MAGI1: variants seen among roughly 807,000 people sequenced by gnomAD.
MAGI1 encodes membrane associated guanylate kinase, WW and PDZ domain containing 1.
MAGI1 carries 58 observed loss-of-function variants against 139.9 expected under a neutral mutation model. That is an observed-to-expected ratio of 0.41 (90% CI 0.34 to 0.52). The LOEUF (loss-of-function observed/expected upper bound fraction) is 0.52. MAGI1 is among the 20% of genes least tolerant of loss of function. The pLI is 0.12. For synonymous variants in MAGI1, 812 were observed against 737.9 expected (o/e 1.10, Z -1.63); for missense variants, 1,874 against 1,901.6 (o/e 0.99, Z 0.27).
chr3:65,739,203 T>C (rs1576955403), intron 1 of MAGI1, among the ~76,000 whole-genome samples: 2 of 152,250 alleles, frequency 1.3e-5, no homozygotes, highest in South Asian at 2.1e-4. Flanking sequence ...CTTGCACTTT[T>C]ATGTTATAAA....
intron 13 of MAGI1, among the ~76,000 whole-genome samples, chr3:65,396,639 T>C (rs1159528285): frequency 1.3e-5 from 2 of 152,242 alleles, no homozygotes; most frequent in African/African-American, 4.8e-5. Context: ...AGAATTCATG[T>C]GGCTTAAAAA....
intron 5 of MAGI1, among the ~76,000 whole-genome samples, chr3:65,456,551 TTTTC>T (rs1359421480): frequency 1.3e-5 from 2 of 152,326 alleles, no homozygotes; most frequent in Admixed American, 1.3e-4. Context: ...ATTTATCATT[TTTTC>T]TTTCTCAGGG....
intron 2 of MAGI1, among the ~76,000 whole-genome samples, chr3:65,596,246 C>G (rs947724120): frequency 6.6e-6 from 1 of 152,126 alleles, no homozygotes; most frequent in Non-Finnish European, 1.5e-5. Context: ...CCGTGGGTTA[C>G]CATGTGCATA....
chr3:65,439,978 C>T lies in MAGI1; in HGVS notation c.1171G>A (p.Val391Ile), dbSNP rs371020345. The T allele has an allele frequency of 1.9e-6, 3 of 1,613,968 alleles. No individual in the cohort carries two copies. The highest frequency in any genetic ancestry group is 2.7e-5 in the African/African-American group (2 of 75,032). ...TGCTTCTTCCGTTTGGCTTCTAGAACCGGGTTCTCATATTGTGTCTTCCTG... is the reference window on the plus strand; with the variant it reads ...TGCTTCTTCCGTTTGGCTTCTAGAATCGGGTTCTCATATTGTGTCTTCCTG... ...INRKTQYENP[V>I]LEAKRKKQLE... The change falls in exon 9 of 23, where the codon GTT (valine) becomes ATT (isoleucine). Residue 391 changes from valine (V) to isoleucine (I), a missense_variant. This residue lies in a region of MAGI1 where 648 missense variants were observed against 598.1 expected (regional missense o/e 1.08). Transcript: ENST00000402939.
intron 1 of MAGI1, among the ~76,000 whole-genome samples, chr3:66,017,483 C>A (rs1448388050): frequency 6.6e-6 from 1 of 152,234 alleles, no homozygotes; most frequent in Admixed American, 6.5e-5. Flanking sequence ...TGAAGGGGAT[C>A]CTGCCACCTG....
rs867434947 is a variant in MAGI1, at chr3:65,356,860, C to T, written c.3907G>A (p.Gly1303Arg). ...ACRPKDRAPE[G>R]RRDAQAERAA... ...CGCTCGGCCTGCGCGTCCCTCCGTC[C>T]CTCCGGCGCCCGGTCCTTGGGTCGG... is the stretch of plus-strand genomic sequence containing the variant. The change falls in exon 23 of 23, where the codon GGA becomes AGA. Residue 1303 changes from glycine (G) to arginine (R), a missense_variant. Coordinates refer to ENST00000402939, the MANE Select transcript of MAGI1 (RefSeq NM_001033057.2). 2 of 1,614,064 alleles carry T rather than the reference C, an allele frequency of 1.2e-6. No homozygotes were observed. Among genetic ancestry groups the T allele is most frequent in the South Asian group, 1.1e-5 (1 of 91,086 alleles).
chr3:65,388,993 G>A (rs1178441541), intron 14 of MAGI1, among the ~76,000 whole-genome samples: 10 of 151,686 alleles, frequency 6.6e-5, no homozygotes, highest in African/African-American at 9.7e-5. Context: ...ACAGGCGCAC[G>A]CCACCACACC....
chr3:65,751,725 G>A (rs1173953584), intron 1 of MAGI1, among the ~76,000 whole-genome samples: 1 of 152,138 alleles, frequency 6.6e-6, no homozygotes, highest in African/African-American at 2.4e-5. Flanking sequence ...ACATATGCAT[G>A]TGCATTCCAT....
intron 1 of MAGI1, among the ~76,000 whole-genome samples, chr3:65,882,165 T>G (rs1374702266): frequency 2.6e-5 from 4 of 152,356 alleles, no homozygotes; most frequent in Admixed American, 2.0e-4. Context: ...TGGGTTGATG[T>G]GAGTTTCTTG....
intron 1 of MAGI1, among the ~76,000 whole-genome samples, chr3:66,033,185 G>A (rs1329433351): frequency 6.6e-6 from 1 of 151,848 alleles, no homozygotes; most frequent in South Asian, 2.1e-4. Context: ...TCGCCACCAC[G>A]CCCAGCTAGT....
chr3:65,361,933 A>G (rs564245766), intron 21 of MAGI1, among the ~76,000 whole-genome samples: 141 of 152,348 alleles, frequency 9.3e-4, no homozygotes, highest in African/African-American at 3.2e-3. Flanking sequence ...GAGACTTCAG[A>G]TGAGACCATA....
At chr3:65,553,407 G>A (rs960261456) in intron 2 of MAGI1, among the ~76,000 whole-genome samples, 1 of 151,712 alleles carries the variant, frequency 6.6e-6, no homozygotes, top group African/African-American at 2.4e-5. Context: ...ATTCAGTTTG[G>A]CTTTGAAAAA....
chr3:65,582,470 T>C (rs1212697176), intron 2 of MAGI1, among the ~76,000 whole-genome samples: 1 of 152,154 alleles, frequency 6.6e-6, no homozygotes, highest in African/African-American at 2.4e-5. Context: ...GAGAGGATGA[T>C]TTTAAACATG....
chr3:65,517,144 T>C (rs925095856), intron 2 of MAGI1, among the ~76,000 whole-genome samples: 2 of 152,176 alleles, frequency 1.3e-5, no homozygotes, highest in African/African-American at 4.8e-5. Flanking sequence ...GCATCAAGCA[T>C]GTTGTCCTCT....
At chr3:65,869,824 A>G (rs1029909756) in intron 1 of MAGI1, among the ~76,000 whole-genome samples, 3 of 152,224 alleles carry the variant, frequency 2.0e-5, no homozygotes, top group African/African-American at 7.2e-5. Flanking sequence ...GGTGTCTCAC[A>G]TTCCTCACCT....
intron 1 of MAGI1, among the ~76,000 whole-genome samples, chr3:65,924,490 G>T (rs1021357827): frequency 2.6e-5 from 4 of 152,118 alleles, no homozygotes; most frequent in Admixed American, 1.3e-4. Context: ...TATAACACAA[G>T]GATTCTAGGA....
intron 1 of MAGI1, among the ~76,000 whole-genome samples, chr3:65,957,416 G>A (rs149404008): frequency 9.3e-5 from 14 of 150,876 alleles, no homozygotes; most frequent in South Asian, 2.1e-4. Context: ...AGCTACCCGC[G>A]GCGCTGAGGT....
chr3:65,979,088 T>TTCCCCCCCCCC (rs377493475), intron 1 of MAGI1, among the ~76,000 whole-genome samples: 1 of 52,970 alleles, frequency 1.9e-5, no homozygotes, highest in African/African-American at 7.0e-5. Context: ...TTTCTTTTCT[T>TTCCCCCCCCCC]CCCCCCCCCC....
At chr3:66,021,512 T>C (rs1283745371) in intron 1 of MAGI1, among the ~76,000 whole-genome samples, 2 of 152,206 alleles carry the variant, frequency 1.3e-5, no homozygotes, top group African/African-American at 2.4e-5. Flanking sequence ...TCAGTGTTCA[T>C]TCGAGTGTAC....
Sources: gnomAD v4.1 joint callset for allele counts (sites outside exome capture counted in the v4.1 genomes callset) on GRCh38, gnomAD v4.1.1 for gene constraint, gnomAD v4.1.1 regional missense constraint, MANE v1.5 for transcripts, NCBI Gene and HGNC (gene_info 2026-07-23, HGNC 2026-07-21) for gene names.